The following ADCY2 variants were observed in gnomAD, a reference collection of about 807,000 sequenced individuals.
ADCY2 encodes the protein adenylate cyclase type 2.
ADCY2 carries 31 observed loss-of-function variants against 125.2 expected under a neutral mutation model. That is an observed-to-expected ratio of 0.25 (90% CI 0.19 to 0.33). The LOEUF (loss-of-function observed/expected upper bound fraction) is 0.33, where lower values mean the gene tolerates loss of function less well. ADCY2 is among the 10% of genes least tolerant of loss of function. The pLI is 1.00. For synonymous variants in ADCY2, 512 were observed against 548.4 expected (o/e 0.93, Z 0.93); for missense variants, 904 against 1,418.2 (o/e 0.64, Z 5.82).
chr5:7,601,120 G>A (rs1229143509), intron 3 of ADCY2, among the ~76,000 whole-genome samples: 1 of 152,128 alleles, frequency 6.6e-6, no homozygotes, highest in African/African-American at 2.4e-5. Flanking sequence ...AATTCAGGAT[G>A]ACTGACTCAG....
chr5:7,543,666 T>A (rs751990993), intron 3 of ADCY2, among the ~76,000 whole-genome samples: 3 of 151,962 alleles, frequency 2.0e-5, no homozygotes, highest in African/African-American at 4.8e-5. Context: ...AGATCTCTCT[T>A]CCAAAACCAA....
intron 2 of ADCY2, among the ~76,000 whole-genome samples, chr5:7,417,604 A>G (rs1740004276): frequency 6.6e-6 from 1 of 152,208 alleles, no homozygotes; most frequent in Non-Finnish European, 1.5e-5. Context: ...GAACCAATTA[A>G]TCAGGATAAG....
chr5:7,689,154 C>A (rs1428526), intron 4 of ADCY2, among the ~76,000 whole-genome samples: 3 of 151,984 alleles, frequency 2.0e-5, no homozygotes, highest in Non-Finnish European at 4.4e-5. Flanking sequence ...AAGAAGAATG[C>A]GACAGGGTCT....
chr5:7,490,639 ACG>A (rs1264678033), intron 2 of ADCY2, among the ~76,000 whole-genome samples: 1 of 152,300 alleles, frequency 6.6e-6, no homozygotes, highest in East Asian at 1.9e-4. Flanking sequence ...GTAAACACAC[ACG>A]CACACACACA....
At chr5:7,643,989 G>A (rs150378387) in intron 4 of ADCY2, among the ~76,000 whole-genome samples, 1 of 151,560 alleles carries the variant, frequency 6.6e-6, no homozygotes, top group East Asian at 1.9e-4. Context: ...TTTATTAAAT[G>A]GCTCCAATAA....
At chr5:7,649,646 C>T (rs993974993) in intron 4 of ADCY2, among the ~76,000 whole-genome samples, 1 of 152,190 alleles carries the variant, frequency 6.6e-6, no homozygotes, top group Non-Finnish European at 1.5e-5. Context: ...GCCATTTACC[C>T]TTAGGGATCT....
intron 14 of ADCY2, among the ~76,000 whole-genome samples, chr5:7,733,947 AATATTTAAATTC>A (rs376523077): frequency 4.6e-5 from 7 of 152,156 alleles, no homozygotes; most frequent in African/African-American, 1.7e-4. Flanking sequence ...AATGGTGATG[AATATTTAAATTC>A]CATTTCCTCC....
chr5:7,789,332 C>G (rs557816425), intron 19 of ADCY2, among the ~76,000 whole-genome samples: 1 of 152,234 alleles, frequency 6.6e-6, no homozygotes, highest in South Asian at 2.1e-4. Flanking sequence ...TGCCTCTTTT[C>G]AAAAAATAAT....
At chr5:7,654,638 GT>G (rs1739258478) in intron 4 of ADCY2, among the ~76,000 whole-genome samples, 1 of 152,126 alleles carries the variant, frequency 6.6e-6, no homozygotes, top group Admixed American at 6.6e-5. Flanking sequence ...CATTTTACAA[GT>G]TTGTCATTTC....
At chr5:7,741,773 T>TCCTCATTATCATCATC (rs1742435249) in intron 14 of ADCY2, among the ~76,000 whole-genome samples, 3 of 108,722 alleles carry the variant, frequency 2.8e-5, no homozygotes, top group South Asian at 3.4e-4. Flanking sequence ...ACTGTCACCA[T>TCCTCATTATCATCATC]ACCATCATCA....
At chr5:7,756,234 C>A (rs1194937728) in intron 15 of ADCY2, among the ~76,000 whole-genome samples, 1 of 152,208 alleles carries the variant, frequency 6.6e-6, no homozygotes, top group Admixed American at 6.5e-5. Flanking sequence ...CACACTCATA[C>A]CTGGGAGAAT....
At position 7,723,920 on chromosome 5, in the gene ADCY2, C is replaced by CAAAAAAAAAAAAAAA. The variant is rs70940756; in HGVS notation, c.1704-615_1704-601dup. 8.6e-4 allele frequency among the ~76,000 whole-genome samples: 46 copies of CAAAAAAAAAAAAAAA among 53,716 alleles called. 1 individual carries two copies. The highest frequency in any genetic ancestry group is 3.6e-3 in the African/African-American group (35 of 9,752). 35.2% of individuals were successfully genotyped at this position (53,716 alleles called of 152,430 possible). On this transcript the variant is annotated intron_variant, in intron 12 of 24. Transcript: ENST00000338316. ...TGGGTGACAGAGTGAGACTCAGTCT[C>CAAAAAAAAAAAAAAA]AAAAAAAAAAAAAAAAAAAAAAAAG... is the stretch of plus-strand genomic sequence containing the variant.
chr5:7,821,527 C>CGTCCT (rs1561043458), intron 24 of ADCY2, among the ~76,000 whole-genome samples: 1 of 152,188 alleles, frequency 6.6e-6, no homozygotes, highest in African/African-American at 2.4e-5. Flanking sequence ...TCCGCACCCA[C>CGTCCT]GTCCTGTGCT....
chr5:7,583,125 A>G (rs1392797995), intron 3 of ADCY2, among the ~76,000 whole-genome samples: 1 of 152,076 alleles, frequency 6.6e-6, no homozygotes, highest in Non-Finnish European at 1.5e-5. Flanking sequence ...AATATCTAAT[A>G]ATGAATTTAA....
Position 7,659,892 on chromosome 5 carries a change from G to C in ADCY2, c.721-30799G>C, listed in dbSNP as rs145310120. Among the ~76,000 whole-genome samples the C allele has an allele frequency of 4.9e-3, 747 of 152,276 alleles. 11 individuals are homozygous for C. The highest frequency in any genetic ancestry group is 0.017 in the African/African-American group (698 of 41,556). ...TAAATTGGCTATAACCAGATGACCT[G>C]TGTAAACACAGTAATAAAAGATGGA... On this transcript the variant is annotated intron_variant, in intron 4 of 24. Transcript: ENST00000338316.
At chr5:7,772,787 A>G in intron 17 of ADCY2, 145 bp from the exon 18 acceptor site, 1 of 683,404 alleles carries the variant, frequency 1.5e-6, no homozygotes, top group African/African-American at 1.8e-5. Context: ...TTACCACTGG[A>G]TCAAAGATGA....
At chr5:7,480,462 G>A (rs1420387350) in intron 2 of ADCY2, among the ~76,000 whole-genome samples, 3 of 152,120 alleles carry the variant, frequency 2.0e-5, no homozygotes, top group African/African-American at 4.8e-5. Flanking sequence ...GGATATGGAT[G>A]GACCTGGAGA....
At chr5:7,676,392 A>G (rs1375374890) in intron 4 of ADCY2, among the ~76,000 whole-genome samples, 2 of 152,230 alleles carry the variant, frequency 1.3e-5, no homozygotes, top group Non-Finnish European at 2.9e-5. Context: ...ATGAATCATG[A>G]AACATACCTA....
At chr5:7,549,485 T>G (rs1236398188) in intron 3 of ADCY2, among the ~76,000 whole-genome samples, 1 of 152,160 alleles carries the variant, frequency 6.6e-6, no homozygotes, top group Non-Finnish European at 1.5e-5. Context: ...GGATCACAAG[T>G]CACAGGACCA....
Sources: gnomAD v4.1 joint callset for allele counts (sites outside exome capture counted in the v4.1 genomes callset) on GRCh38, gnomAD v4.1.1 for gene constraint, MANE v1.5 for transcripts, NCBI Gene and HGNC (gene_info 2026-07-23, HGNC 2026-07-21) for gene names.